The following ABCC2 variants were observed in gnomAD, a reference collection of about 807,000 sequenced individuals.
ABCC2 encodes the protein ATP-binding cassette sub-family C member 2.
A neutral mutation model predicts 173.4 loss-of-function variants in ABCC2; 157 were observed. That is an observed-to-expected ratio of 0.91 (90% CI 0.80 to 1.03). ABCC2 has a LOEUF of 1.03. ABCC2 is among the 50% of genes least tolerant of loss of function. The pLI is 0.00. For synonymous variants in ABCC2, 657 were observed against 693.5 expected, an observed-to-expected ratio of 0.95 and a Z score of 0.83; for missense variants, 1,822 against 1,852.3, an observed-to-expected ratio of 0.98 and a Z score of 0.30.
chr10:99,806,142 TG>T (rs2038100182), intron 11 of ABCC2, among the ~76,000 whole-genome samples: 1 of 151,394 alleles, frequency 6.6e-6, no homozygotes. Context: ...CTAGGTTATT[TG>T]TCCTATTTCC....
intron 24 of ABCC2, 150 bp downstream of exon 24, chr10:99,834,685 G>A (rs2038791612): frequency 1.0e-6 from 1 of 964,576 alleles, no homozygotes; most frequent in African/African-American, 1.6e-5. Context: ...GACATACCCA[G>A]GAGCCCACAG....
At chr10:99,843,386 C>G (rs888387129) in intron 26 of ABCC2, among the ~76,000 whole-genome samples, 10 of 152,202 alleles carry the variant, frequency 6.6e-5, no homozygotes, top group African/African-American at 2.4e-4. Context: ...TATATGCAAA[C>G]TCCTGAGTCT....
chr10:99,787,481 T>A (rs1461325101), intron 2 of ABCC2, among the ~76,000 whole-genome samples: 4 of 152,132 alleles, frequency 2.6e-5, no homozygotes, highest in Admixed American at 6.5e-5. Context: ...TCTCGTTCTG[T>A]CGCCCAGGCA....
chr10:99,842,536 G>T (rs984866089), intron 26 of ABCC2, among the ~76,000 whole-genome samples: 1 of 152,122 alleles, frequency 6.6e-6, no homozygotes, highest in Admixed American at 6.6e-5. Flanking sequence ...TAAAACTATA[G>T]AATGTGTCTC....
intron 2 of ABCC2, among the ~76,000 whole-genome samples, chr10:99,788,090 CA>C: frequency 6.6e-6 from 1 of 151,852 alleles, no homozygotes; most frequent in Non-Finnish European, 1.5e-5. Context: ...AAAAAAAGGA[CA>C]AAAGGGTACC....
chr10:99,841,008 ATTC>A (rs1305122515), intron 25 of ABCC2, among the ~76,000 whole-genome samples: 1 of 152,126 alleles, frequency 6.6e-6, no homozygotes, highest in Non-Finnish European at 1.5e-5. Flanking sequence ...GTAAAAGTCC[ATTC>A]TTATAAACTG....
At chr10:99,827,450 T>G (rs1353220285) in intron 19 of ABCC2, among the ~76,000 whole-genome samples, 2 of 152,224 alleles carry the variant, frequency 1.3e-5, no homozygotes, top group South Asian at 2.1e-4. Context: ...CTTTCTGGGA[T>G]TTTTTCCTTG....
rs1300010489 is a variant in ABCC2, at chr10:99,836,288, C to A, written c.3612C>A (p.Asn1204Lys). The A allele has an allele frequency of 1.2e-6, 2 of 1,613,944 alleles. No homozygotes were observed. The highest frequency in any genetic ancestry group is 4.5e-5 in the East Asian group (2 of 44,902). ...QKCVFSWITS[N>K]RWLAIRLELV... ...GTGTCTTTTCCTGGATCACCTCCAA[C>A]AGGTGAGGCTTCCCCTGGGTATTTA... is the stretch of plus-strand genomic sequence containing the variant. Residue 1204 changes from asparagine to lysine, a missense_variant and splice_region_variant, in exon 25 of 32, where the codon AAC becomes AAA. Physicochemically the swap from Asn to Lys is moderately conservative, Grantham distance 94. Transcript: ENST00000647814.
At chr10:99,830,584 C>G in intron 20 of ABCC2, 132 bp from the exon 21 acceptor site, 1 of 1,557,190 alleles carries the variant, frequency 6.4e-7, no homozygotes, top group South Asian at 1.1e-5. Flanking sequence ...GGGGAAAGAT[C>G]GGGGTTGTGT....
At chr10:99,784,822 T>C in intron 2 of ABCC2, 41 bp downstream of exon 2, 1 of 1,605,234 alleles carries the variant, frequency 6.2e-7, no homozygotes, top group Non-Finnish European at 8.5e-7. Context: ...AATTCCTTGG[T>C]GCACAGTAGA....
chr10:99,830,397 G>A lies in ABCC2; in HGVS notation c.2711G>A (p.Arg904Lys). ...IPEDAASITM[R>K]RENSFRRTLS... ...GAAGATGCAGCCTCCATAACCATGA[G>A]AAGAGAGAACAGCTTTCGTCGAACA... Residue 904 changes from arginine to lysine, a missense_variant, in exon 20 of 32, where the codon AGA becomes AAA. By Grantham distance (26) the Arg-to-Lys change is conservative. Transcript: ENST00000647814. 2 of 1,614,182 alleles carry A rather than the reference G, an allele frequency of 1.2e-6. No individual in the cohort carries two copies. The highest frequency in any genetic ancestry group is 8.5e-7 in the Non-Finnish European group (1 of 1,180,022).
chr10:99,791,402 C>T lies in ABCC2; in HGVS notation c.208-832C>T, dbSNP rs180872098. Among the ~76,000 whole-genome samples the T allele has an allele frequency of 1.0e-3, 159 of 152,128 alleles. 2 individuals are homozygous for T. Among genetic ancestry groups the T allele is most frequent in the Admixed American group, 8.8e-3 (134 of 15,270 alleles). Reference sequence around the variant, plus strand: ...CAGCCTGGGCAACAGAGTGAGACTCCGTCTCAAAACAAAAACAAAAAACCT... The same window carrying T: ...CAGCCTGGGCAACAGAGTGAGACTCTGTCTCAAAACAAAAACAAAAAACCT... On this transcript the variant is annotated intron_variant, in intron 2 of 31. Coordinates refer to ENST00000647814, the MANE Select transcript of ABCC2 (RefSeq NM_000392.5).
chr10:99,847,304 A>G (rs1191628063), intron 30 of ABCC2, among the ~76,000 whole-genome samples, 177 bp downstream of exon 30: 1 of 152,268 alleles, frequency 6.6e-6, no homozygotes, highest in Non-Finnish European at 1.5e-5. Flanking sequence ...AAAGTGCTTT[A>G]AAACTCTTGA....
In ABCC2 at chr10:99,804,076, C is replaced by T; in HGVS notation, c.1267C>T (p.Leu423=). 6.2e-7 allele frequency: 1 copy of T among 1,614,144 alleles called. No homozygotes were observed. Among genetic ancestry groups the T allele is most frequent in the Non-Finnish European group, 8.5e-7 (1 of 1,180,012 alleles). Residue 423 remains leucine, a synonymous_variant, in exon 10 of 32, where the codon CTG becomes TTG. Transcript: ENST00000647814. Reference sequence around the variant, plus strand: ...GTACACCGTTGGAGAAACAGTGAACCTGATGTCTGTGGATGCCCAGAAGCT... The same window carrying T: ...GTACACCGTTGGAGAAACAGTGAACTTGATGTCTGTGGATGCCCAGAAGCT... ...KEYTVGETVN[L]MSVDAQKLMD... is the part of the protein sequence containing the mutation.
intron 2 of ABCC2, among the ~76,000 whole-genome samples, chr10:99,787,460 G>GTTT (rs1564667514): frequency 0.013 from 1,898 of 150,414 alleles, 50 homozygotes; most frequent in African/African-American, 0.044. Context: ...CCTTTTTTTG[G>GTTT]GGGGACGGAG....
chr10:99,804,979 G>C (rs2038075247), intron 10 of ABCC2, among the ~76,000 whole-genome samples: 1 of 152,152 alleles, frequency 6.6e-6, no homozygotes, highest in South Asian at 2.1e-4. Flanking sequence ...AATTCAACAG[G>C]GTGATGAGAT....
At chr10:99,836,722 G>C (rs2038829763) in intron 25 of ABCC2, among the ~76,000 whole-genome samples, 1 of 152,296 alleles carries the variant, frequency 6.6e-6, no homozygotes, top group East Asian at 1.9e-4. Context: ...CACTCTTTCT[G>C]GGTAGTGAAG....
At chr10:99,805,239 G>A (rs907697951) in intron 10 of ABCC2, 143 bp from the exon 11 acceptor site, 27 of 695,990 alleles carry the variant, frequency 3.9e-5, no homozygotes, top group Admixed American at 1.9e-4. Context: ...GGAGAGTGGA[G>A]GGAGGTGAAT....
chr10:99,830,508 CT>C (rs2038720320), intron 20 of ABCC2, 75 bp downstream of exon 20: 4 of 1,606,378 alleles, frequency 2.5e-6, no homozygotes, highest in Admixed American at 1.7e-5. Context: ...TCTTCCTGGG[CT>C]TTTCCTGTGA....
Sources: gnomAD v4.1 joint callset for allele counts (sites outside exome capture counted in the v4.1 genomes callset) on GRCh38, gnomAD v4.1.1 for gene constraint, MANE v1.5 for transcripts, NCBI Gene and HGNC (gene_info 2026-07-23, HGNC 2026-07-21) for gene names.